FANCI: variants seen among roughly 807,000 people sequenced by gnomAD.
FANCI encodes FA complementation group I, also known as Fanconi anemia group I protein.
A neutral mutation model predicts 176.1 loss-of-function variants in FANCI; 156 were observed. The observed-to-expected ratio is 0.89, with a 90% confidence interval of 0.78 to 1.01. The LOEUF (loss-of-function observed/expected upper bound fraction) is 1.01, where lower values mean the gene tolerates loss of function less well. Ranked by LOEUF, FANCI falls within the 50% of genes least tolerant of loss-of-function variation. FANCI has a pLI of 0.00. For missense variants in FANCI, 1,678 were observed against 1,534.1 expected, an observed-to-expected ratio of 1.09 and a Z score of -1.57; for synonymous variants, 613 against 541.7, an observed-to-expected ratio of 1.13 and a Z score of -1.83.
chr15:89,264,132 C>T lies in FANCI; in HGVS notation c.669+106C>T, dbSNP rs146042259. ...ATATAGCAGAGCAAACATAGCCGAA[C>T]ATAGATGCTTTCATTTCACGTGAGC... On this transcript the variant is annotated intron_variant, in intron 8 of 37. Coordinates refer to ENST00000310775, the MANE Select transcript of FANCI (RefSeq NM_001113378.2). The T allele has an allele frequency of 1.6e-4, 195 of 1,246,726 alleles. 1 individual carries two copies. In the East Asian group the frequency reaches 4.4e-3, roughly 28 times the overall value. 77.2% of individuals were successfully genotyped at this position (1,246,726 alleles called of 1,614,324 possible). A position where few individuals can be genotyped will look rare whatever the true frequency, so the allele number is the denominator to read the frequency against.
chr15:89,245,064 C>G (rs2051885860), intron 1 of FANCI: 1 of 152,072 alleles, frequency 6.6e-6, no homozygotes, highest in African/African-American at 2.4e-5. Context: ...GATAATTACA[C>G]ATGTAATATT....
chr15:89,292,878 C>G lies in FANCI; in HGVS notation c.2169+14C>G. On this transcript the variant is annotated intron_variant, in intron 21 of 37. Coordinates refer to ENST00000310775, the MANE Select transcript of FANCI (RefSeq NM_001113378.2). ...GACTTTGAACTGGTAATTGCTAAGT[C>G]CTCAGCTGTATTGAATGATGGAGTT... The G allele has an allele frequency of 6.2e-7, 1 of 1,614,000 alleles. No homozygotes were observed. The highest frequency in any genetic ancestry group is 1.7e-4 in the Middle Eastern group (1 of 6,060).
chr15:89,278,695 G>A lies in FANCI; in HGVS notation c.1302G>A (p.Glu434=). ...NILLETFKIH[E]MIRQEILEQV... ...TATTCTGTTCTTTTTAGATCCATGA[G>A]ATGATCAGACAAGAAATTTTGGAGC... is the stretch of plus-strand genomic sequence containing the variant. Residue 434 remains glutamate, a synonymous_variant, in exon 14 of 38, where the codon GAG becomes GAA. Transcript: ENST00000310775. 1.2e-6 allele frequency: 2 copies of A among 1,612,960 alleles called. No homozygotes were observed. The highest frequency in any genetic ancestry group is 1.7e-6 in the Non-Finnish European group (2 of 1,178,984).
intron 2 of FANCI, among the ~76,000 whole-genome samples, chr15:89,258,036 T>C (rs2151208991): frequency 6.6e-6 from 1 of 152,300 alleles, no homozygotes. Flanking sequence ...CATCTTCTAC[T>C]ACTCTTTTCT....
chr15:89,253,381 GC>G (rs1433659423), intron 2 of FANCI, among the ~76,000 whole-genome samples: 2 of 152,128 alleles, frequency 1.3e-5, no homozygotes, highest in Non-Finnish European at 2.9e-5. Flanking sequence ...GGGCACAGGG[GC>G]TTATCCCTGT....
At chr15:89,261,559 A>T in intron 4 of FANCI, 26 bp from the exon 5 acceptor site, 1 of 1,613,800 alleles carries the variant, frequency 6.2e-7, no homozygotes, top group African/African-American at 1.3e-5. Context: ...TCTGCTTGAG[A>T]TTTCCTTTAT....
At chr15:89,311,578 G>A (rs767152046) in intron 34 of FANCI, among the ~76,000 whole-genome samples, 44 of 152,126 alleles carry the variant, frequency 2.9e-4, no homozygotes, top group Non-Finnish European at 5.3e-4. Flanking sequence ...CAGTGAGGTC[G>A]ATCCGTGACT....
intron 2 of FANCI, among the ~76,000 whole-genome samples, chr15:89,256,972 G>T (rs376820762): frequency 2.0e-5 from 3 of 152,046 alleles, no homozygotes; most frequent in East Asian, 1.9e-4. Context: ...AGGGGCGTGA[G>T]CTCGGCTCAC....
chr15:89,293,289 C>T (rs766078087), intron 22 of FANCI, among the ~76,000 whole-genome samples: 14 of 152,164 alleles, frequency 9.2e-5, no homozygotes, highest in African/African-American at 2.2e-4. Flanking sequence ...GTTTCACTTA[C>T]TCAGAATTTC....
Position 89,305,189 on chromosome 15 carries a change from C to T in FANCI, c.3133C>T (p.Leu1045=). ...TGTTTCGTATAAGAGTCCTGTCATTCTGCTGCGTGACTTGTCCCAGGATAT... is the reference window on the plus strand; with the variant it reads ...TGTTTCGTATAAGAGTCCTGTCATTTTGCTGCGTGACTTGTCCCAGGATAT... ...LHVSYKSPVI[L]LRDLSQDIHG... is the part of the protein sequence containing the mutation. The change falls in exon 29 of 38, where the codon CTG becomes TTG. Residue 1045 remains leucine (L), a synonymous_variant. Coordinates refer to ENST00000310775, the MANE Select transcript of FANCI (RefSeq NM_001113378.2). 6.2e-7 allele frequency: 1 copy of T among 1,614,234 alleles called. No individual in the cohort carries two copies. The highest frequency in any genetic ancestry group is 8.5e-7 in the Non-Finnish European group (1 of 1,180,052).
intron 34 of FANCI, among the ~76,000 whole-genome samples, chr15:89,311,271 TA>T (rs2054948023): frequency 6.6e-6 from 1 of 151,180 alleles, no homozygotes; most frequent in African/African-American, 2.4e-5. Context: ...AAAAAAAAAT[TA>T]GCCGGGCATG....
At chr15:89,276,638 C>A in intron 12 of FANCI, 73 bp from the exon 13 acceptor site, 2 of 1,532,540 alleles carry the variant, frequency 1.3e-6, no homozygotes, top group Non-Finnish European at 1.8e-6. Context: ...AAATGTATAA[C>A]AGGGCAATGA....
At chr15:89,247,205 C>T (rs2052028144) in intron 1 of FANCI, among the ~76,000 whole-genome samples, 1 of 151,832 alleles carries the variant, frequency 6.6e-6, no homozygotes, top group Non-Finnish European at 1.5e-5. Flanking sequence ...TTAATTGGCA[C>T]ATAGCATTTA....
chr15:89,260,444 C>T (rs1294986068), intron 3 of FANCI, among the ~76,000 whole-genome samples: 5 of 152,112 alleles, frequency 3.3e-5, no homozygotes, highest in Admixed American at 3.3e-4. Flanking sequence ...CTGGACTTCT[C>T]AAAAGCTGTA....
intron 18 of FANCI, among the ~76,000 whole-genome samples, chr15:89,288,098 G>A (rs557325336): frequency 2.6e-5 from 4 of 152,276 alleles, no homozygotes; most frequent in South Asian, 2.1e-4. Context: ...TAATATCTGC[G>A]AAGTGCAATC....
chr15:89,291,803 C>T, intron 20 of FANCI, 89 bp downstream of exon 20: 3 of 1,004,978 alleles, frequency 3.0e-6, no homozygotes, highest in Middle Eastern at 4.1e-4. Flanking sequence ...CTGTGAAACT[C>T]TCTTCCTGGT....
chr15:89,265,236 G>A (rs756149632), intron 9 of FANCI, among the ~76,000 whole-genome samples: 15 of 152,120 alleles, frequency 9.9e-5, no homozygotes, highest in Non-Finnish European at 1.6e-4. Flanking sequence ...GAGACAGAGT[G>A]TAGCTCTGTG....
chr15:89,314,066 C>T (rs62022587), intron 35 of FANCI, among the ~76,000 whole-genome samples: 306 of 124,330 alleles, frequency 2.5e-3, no homozygotes, highest in African/African-American at 5.6e-3. Flanking sequence ...CAGACACACA[C>T]ACACACACAC....
chr15:89,255,021 T>G (rs2052433374), intron 2 of FANCI, among the ~76,000 whole-genome samples: 1 of 152,222 alleles, frequency 6.6e-6, no homozygotes, highest in Admixed American at 6.5e-5. Flanking sequence ...CTCTCCCCAG[T>G]AATTATTTCA....
Sources: gnomAD v4.1 joint callset for allele counts (sites outside exome capture counted in the v4.1 genomes callset) on GRCh38, gnomAD v4.1.1 for gene constraint, MANE v1.5 for transcripts, NCBI Gene and HGNC (gene_info 2026-07-23, HGNC 2026-07-21) for gene names.